Variants in ADCY2 observed in about 807,000 individuals in gnomAD.
The protein encoded by ADCY2 is adenylate cyclase 2.
In ADCY2, 31 loss-of-function variants were observed where a neutral mutation model predicts 125.2. The ratio of observed to expected loss-of-function variants is 0.25; its 90% CI spans 0.19 to 0.33. ADCY2 has a LOEUF of 0.33. Among genes scored for constraint, ADCY2 ranks in the 10% least tolerant of loss-of-function variants. The probability of loss-of-function intolerance (pLI) is 1.00; values close to 1 mark genes in which losing one functional copy is unlikely to be tolerated. For synonymous variants in ADCY2, 512 were observed against 548.4 expected (o/e 0.93, Z 0.93); for missense variants, 904 against 1,418.2 (o/e 0.64, Z 5.82).
intron 3 of ADCY2, among the ~76,000 whole-genome samples, chr5:7,534,942 T>G (rs1052727146): frequency 6.6e-6 from 1 of 152,244 alleles, no homozygotes; most frequent in African/African-American, 2.4e-5. Context: ...TTCACTCTGC[T>G]TATTTCTATG....
chr5:7,607,710 T>A (rs1323867048), intron 3 of ADCY2, among the ~76,000 whole-genome samples: 1 of 152,250 alleles, frequency 6.6e-6, no homozygotes, highest in African/African-American at 2.4e-5. Context: ...GAAATTTGCA[T>A]TTATATATGA....
At chr5:7,488,012 C>T (rs1047275295) in intron 2 of ADCY2, among the ~76,000 whole-genome samples, 78 of 152,190 alleles carry the variant, frequency 5.1e-4, no homozygotes, top group Non-Finnish European at 5.9e-5. Context: ...AAGAAAAAAA[C>T]ATTATGATAT....
intron 18 of ADCY2, among the ~76,000 whole-genome samples, chr5:7,776,193 T>TAAAA (rs11332766): frequency 1.1e-5 from 1 of 91,540 alleles, no homozygotes; most frequent in Non-Finnish European, 2.0e-5. Flanking sequence ...GTGAGATCCT[T>TAAAA]AAAAAAAAAA....
At chr5:7,503,127 T>C (rs940800775) in intron 2 of ADCY2, among the ~76,000 whole-genome samples, 6 of 152,300 alleles carry the variant, frequency 3.9e-5, no homozygotes, top group African/African-American at 1.4e-4. Context: ...AGGTGCTTGA[T>C]AAATGTGGTT....
intron 17 of ADCY2, among the ~76,000 whole-genome samples, chr5:7,769,875 A>C (rs1743505125): frequency 6.6e-6 from 1 of 152,230 alleles, no homozygotes; most frequent in Non-Finnish European, 1.5e-5. Context: ...CAAAACTGGT[A>C]AACATTACTA....
intron 3 of ADCY2, among the ~76,000 whole-genome samples, chr5:7,579,096 T>C (rs1402887653): frequency 2.0e-5 from 3 of 152,186 alleles, no homozygotes; most frequent in Non-Finnish European, 1.5e-5. Context: ...TGGGGTAATA[T>C]AGTTTCACTT....
intron 7 of ADCY2, among the ~76,000 whole-genome samples, chr5:7,702,949 G>A (rs191828195): frequency 2.2e-4 from 34 of 152,266 alleles, no homozygotes; most frequent in Non-Finnish European, 4.1e-4. Context: ...ATCTCATTGT[G>A]GTTTTGATTT....
At chr5:7,512,004 T>C (rs997145194) in intron 2 of ADCY2, among the ~76,000 whole-genome samples, 6 of 151,708 alleles carry the variant, frequency 4.0e-5, no homozygotes, top group African/African-American at 1.5e-4. Context: ...GCAGATTACT[T>C]GAGGCCAGGA....
At chr5:7,482,441 T>A (rs1742764408) in intron 2 of ADCY2, among the ~76,000 whole-genome samples, 1 of 152,188 alleles carries the variant, frequency 6.6e-6, no homozygotes, top group Non-Finnish European at 1.5e-5. Flanking sequence ...TAGTTTAAAA[T>A]AGTCCTATTA....
In ADCY2 at chr5:7,709,077, A is replaced by G; in HGVS notation, c.1402-134A>G. 2.4e-6 allele frequency: 2 copies of G among 836,018 alleles called. No individual in the cohort carries two copies. The highest frequency in any genetic ancestry group is 3.4e-6 in the Non-Finnish European group (2 of 596,764). The allele number at this position is 836,018 out of a possible 1,614,324, so 51.8% of individuals were successfully genotyped here. ...TGTGTTCCCCAGTAACACTGAAGGA[A>G]TAAGGACAGAAAACACAGAGGGCGA... On this transcript the variant is annotated intron_variant, in intron 9 of 24. Coordinates refer to ENST00000338316, the MANE Select transcript of ADCY2 (RefSeq NM_020546.3). This position sits in a 1 kb window ranked among gnomAD's most constrained non-coding sequence, Gnocchi z 4.4.
chr5:7,721,897 C>T (rs1741772937), intron 12 of ADCY2, among the ~76,000 whole-genome samples: 1 of 152,096 alleles, frequency 6.6e-6, no homozygotes, highest in African/African-American at 2.4e-5. Flanking sequence ...AGATACTATC[C>T]ATCAAAAATG....
At chr5:7,432,717 A>C (rs529418188) in intron 2 of ADCY2, among the ~76,000 whole-genome samples, 1 of 152,354 alleles carries the variant, frequency 6.6e-6, no homozygotes, top group Non-Finnish European at 1.5e-5. Context: ...ACTGCTATGT[A>C]CAATTTAGAT....
At chr5:7,472,138 T>C (rs1189943300) in intron 2 of ADCY2, among the ~76,000 whole-genome samples, 2 of 152,186 alleles carry the variant, frequency 1.3e-5, no homozygotes, top group African/African-American at 2.4e-5. Flanking sequence ...CTTTTCCTTA[T>C]GGGATTCTGA....
At chr5:7,704,015 T>G (rs777252193) in intron 7 of ADCY2, among the ~76,000 whole-genome samples, 14 of 134,824 alleles carry the variant, frequency 1.0e-4, no homozygotes. Context: ...AAAAAAAAAG[T>G]TTATTTTGTT....
intron 2 of ADCY2, among the ~76,000 whole-genome samples, chr5:7,434,229 C>T (rs1383273294): frequency 6.6e-6 from 1 of 152,048 alleles, no homozygotes; most frequent in Non-Finnish European, 1.5e-5. Flanking sequence ...TTCGTGTCAG[C>T]ATTGTCTATT....
intron 3 of ADCY2, among the ~76,000 whole-genome samples, chr5:7,617,316 A>T (rs1737798923): frequency 6.6e-6 from 1 of 152,198 alleles, no homozygotes; most frequent in African/African-American, 2.4e-5. Flanking sequence ...TGCAGCATAA[A>T]ATAGGCCAAG....
At chr5:7,589,458 A>AAAAGAAAGAAAGAAAAAGAAAG (rs1736748264) in intron 3 of ADCY2, among the ~76,000 whole-genome samples, 1 of 72,932 alleles carries the variant, frequency 1.4e-5, no homozygotes, top group Non-Finnish European at 2.8e-5. Context: ...GAAGGAAAGA[A>AAAAGAAAGAAAGAAAAAGAAAG]AAAGAAAGAA....
chr5:7,609,871 T>A (rs1737512086), intron 3 of ADCY2, among the ~76,000 whole-genome samples: 1 of 152,074 alleles, frequency 6.6e-6, no homozygotes, highest in African/African-American at 2.4e-5. Context: ...AAGCCAGGAA[T>A]GAGCAGAAGG....
intron 1 of ADCY2, among the ~76,000 whole-genome samples, chr5:7,410,875 G>C (rs191456103): frequency 2.6e-4 from 40 of 152,156 alleles, no homozygotes; most frequent in Non-Finnish European, 1.5e-4. Flanking sequence ...AACTCAATCA[G>C]AAGAACATGG....
Sources: allele counts gnomAD v4.1 joint callset (sites outside exome capture counted in the v4.1 genomes callset), GRCh38; gene constraint gnomAD v4.1.1; non-coding constraint Gnocchi (gnomAD v3.1); transcripts MANE v1.5; gene names NCBI Gene and HGNC (gene_info 2026-07-23, HGNC 2026-07-21).